The following DNAH11 variants were observed in gnomAD, a reference collection of about 807,000 sequenced individuals.
DNAH11 encodes the protein dynein axonemal heavy chain 11, also known as axonemal beta dynein heavy chain 11.
Under a neutral mutation model 526.0 loss-of-function variants are expected in DNAH11, and 442 were observed. That is an observed-to-expected ratio of 0.84 (90% confidence interval 0.78 to 0.91). The LOEUF is 0.91. DNAH11 is among the 40% of genes least tolerant of loss of function. The probability of loss-of-function intolerance (pLI) is 0.00; values close to 1 mark genes in which losing one functional copy is unlikely to be tolerated. For synonymous variants in DNAH11, 2,461 were observed against 1,935.9 expected (o/e 1.27, Z -7.12); for missense variants, 6,989 against 5,448.7 (o/e 1.28, Z -8.90).
At position 21,744,980 on chromosome 7, in the gene DNAH11, G is replaced by A. The variant is rs745714334; in HGVS notation, c.8427G>A (p.Thr2809=). ...MPVKDWEVLK[T]ILTETLDNYN... ...TGAAGGACTGGGAAGTGCTGAAGACGATTCTTACAGAAACGTTAGACAACT... is the reference window on the plus strand; with the variant it reads ...TGAAGGACTGGGAAGTGCTGAAGACAATTCTTACAGAAACGTTAGACAACT... The change falls in exon 51 of 82, where the codon ACG becomes ACA. Residue 2809 remains threonine (T), a synonymous_variant. Transcript: ENST00000409508. The A allele has an allele frequency of 1.9e-5, 30 of 1,610,000 alleles. No individual in the cohort carries two copies. The East Asian group carries it at 3.4e-4, about 18-fold the overall frequency.
chr7:21,780,287 G>C (rs930345663), intron 57 of DNAH11, among the ~76,000 whole-genome samples: 2 of 152,092 alleles, frequency 1.3e-5, no homozygotes, highest in Admixed American at 1.3e-4. Context: ...ACAGTGGCCT[G>C]TAATCCCTGC....
chr7:21,641,643 T>A (rs1330796349), intron 28 of DNAH11, among the ~76,000 whole-genome samples: 1 of 152,232 alleles, frequency 6.6e-6, no homozygotes, highest in Non-Finnish European at 1.5e-5. Flanking sequence ...TGACTCACAG[T>A]CTGTGCATCT....
At chr7:21,897,804 A>ATGGGGTT (rs1348998980) in intron 79 of DNAH11, among the ~76,000 whole-genome samples, 2 of 152,028 alleles carry the variant, frequency 1.3e-5, no homozygotes, top group Non-Finnish European at 2.9e-5. Context: ...TTTAGTAGGG[A>ATGGGGTT]TGGGGTTTCA....
At chr7:21,781,780 T>C (rs1436865698) in intron 57 of DNAH11, among the ~76,000 whole-genome samples, 1 of 152,108 alleles carries the variant, frequency 6.6e-6, no homozygotes, top group Non-Finnish European at 1.5e-5. Flanking sequence ...TTTTGGGAGA[T>C]TGGGAGGGTT....
At chr7:21,637,938 A>C (rs906256405) in intron 27 of DNAH11, among the ~76,000 whole-genome samples, 2 of 152,140 alleles carry the variant, frequency 1.3e-5, no homozygotes, top group Non-Finnish European at 2.9e-5. Flanking sequence ...ATACTAGTAA[A>C]ATTAGAGTAT....
At chr7:21,825,615 C>T (rs898734611) in intron 65 of DNAH11, among the ~76,000 whole-genome samples, 2 of 146,110 alleles carry the variant, frequency 1.4e-5, no homozygotes, top group African/African-American at 5.0e-5. Flanking sequence ...ATTCCTGCCT[C>T]CTTTTTTTTT....
intron 61 of DNAH11, 87 bp from the exon 62 acceptor site, chr7:21,801,050 A>C: frequency 2.1e-6 from 3 of 1,415,360 alleles, no homozygotes; most frequent in Non-Finnish European, 2.9e-6. Context: ...TTGTCCATTT[A>C]CCTTACAGTA....
intron 34 of DNAH11, among the ~76,000 whole-genome samples, chr7:21,688,688 A>G (rs1038396432): frequency 6.6e-6 from 1 of 152,212 alleles, no homozygotes; most frequent in African/African-American, 2.4e-5. Flanking sequence ...TCTCATCCCA[A>G]TAGGTTATAC....
chr7:21,619,884 A>G, intron 24 of DNAH11, 72 bp from the exon 25 acceptor site: 1 of 1,433,686 alleles, frequency 7.0e-7, no homozygotes, highest in East Asian at 2.5e-5. Flanking sequence ...AAAAAAATTA[A>G]TTCCAGATAA....
chr7:21,724,672 A>G (rs2965420), intron 44 of DNAH11, among the ~76,000 whole-genome samples: 90,184 of 149,570 alleles, frequency 0.6, 26,689 homozygotes, highest in East Asian at 0.8. Context: ...TCCTATGAAT[A>G]TAGGAAACAC....
intron 54 of DNAH11, among the ~76,000 whole-genome samples, chr7:21,758,246 A>C (rs1786723215): frequency 6.6e-6 from 1 of 152,258 alleles, no homozygotes; most frequent in South Asian, 2.1e-4. Flanking sequence ...ATTATTTGAC[A>C]TAAGTAGAAT....
chr7:21,864,253 T>A (rs182451078), intron 69 of DNAH11, among the ~76,000 whole-genome samples: 30 of 152,346 alleles, frequency 2.0e-4, no homozygotes, highest in Middle Eastern at 6.8e-3. Context: ...ATAAAACACT[T>A]AATACGAATG....
In DNAH11 at chr7:21,867,907, A is replaced by C; in HGVS notation, c.11739A>C (p.Arg3913Ser). 1 of 1,581,944 alleles carries C rather than the reference A, an allele frequency of 6.3e-7. No homozygotes were observed. Among genetic ancestry groups the C allele is most frequent in the Non-Finnish European group, 8.6e-7 (1 of 1,162,718 alleles). Residue 3913 changes from arginine to serine, a missense_variant, in exon 72 of 82, where the codon AGA becomes AGC. Physicochemically the swap from Arg to Ser is moderately radical, Grantham distance 110. Transcript: ENST00000409508. Reference protein sequence around the residue: ...KLGAKYVERTRLDLVKAFEES... With the variant: ...KLGAKYVERTSLDLVKAFEES... The stretch of plus-strand genomic sequence containing the variant: ...GTGCGAAGTATGTGGAGAGGACCAG[A>C]TTGGACTTAGTTAAAGCATTCGAAG...
chr7:21,785,739 A>G (rs1481105018), intron 58 of DNAH11, among the ~76,000 whole-genome samples: 6 of 152,224 alleles, frequency 3.9e-5, no homozygotes, highest in South Asian at 2.1e-4. Flanking sequence ...CCAGCTCTCA[A>G]TTCTTACTAG....
rs1335985800 is a variant in DNAH11 at position 21,773,815 on chromosome 7, C to T, written c.9152C>T (p.Thr3051Ile). ...CTTTTCATGGCACATGTTCACACCACTGTAAATGAAATGAGTACCAGATAT... is the reference window on the plus strand; with the variant it reads ...CTTTTCATGGCACATGTTCACACCATTGTAAATGAAATGAGTACCAGATAT... ...ISLFMAHVHT[T>I]VNEMSTRYYQ... is the part of the protein sequence containing the mutation. Residue 3051 changes from threonine to isoleucine, a missense_variant, in exon 56 of 82, where the codon ACT becomes ATT. Physicochemically the swap from Thr to Ile is moderately conservative, Grantham distance 89 (BLOSUM62 -1). Coordinates refer to ENST00000409508, the MANE Select transcript of DNAH11 (RefSeq NM_001277115.2). 3.1e-6 allele frequency: 5 copies of T among 1,608,060 alleles called. No individual in the cohort carries two copies. In the Admixed American group the frequency reaches 6.8e-5, roughly 22 times the overall value.
At chr7:21,689,478 C>A (rs1414586047) in intron 34 of DNAH11, among the ~76,000 whole-genome samples, 1 of 152,184 alleles carries the variant, frequency 6.6e-6, no homozygotes, top group Non-Finnish European at 1.5e-5. Flanking sequence ...TGGGACCATG[C>A]CTCAATTACA....
At position 21,658,868 on chromosome 7, in the gene DNAH11, T is replaced by C. The variant is rs1487007855; in HGVS notation, c.5165T>C (p.Ile1722Thr). 13 of 1,607,788 alleles carry C rather than the reference T, an allele frequency of 8.1e-6. No individual in the cohort carries two copies. Among genetic ancestry groups the C allele is most frequent in the East Asian group, 6.7e-5 (3 of 44,610 alleles). The change falls in exon 30 of 82, where the codon ATA (isoleucine) becomes ACA (threonine). Residue 1722 changes from isoleucine to threonine, a missense_variant. Coordinates refer to ENST00000409508, the MANE Select transcript of DNAH11 (RefSeq NM_001277115.2). The stretch of plus-strand genomic sequence containing the variant: ...GTGCGTCATTCTATAACAGAAGCCA[T>C]AGTGGCCTACGAGGAAAAACCTAGG... ...ETVRHSITEAIVAYEEKPREL... is the reference protein window; with the variant it reads ...ETVRHSITEATVAYEEKPREL...
At chr7:21,641,317 G>A (rs10274412) in intron 28 of DNAH11, among the ~76,000 whole-genome samples, 18,750 of 152,138 alleles carry the variant, frequency 0.12, 1,389 homozygotes, top group African/African-American at 0.21. Context: ...CCTCCCCGTC[G>A]TGGCTGATAA....
At chr7:21,812,824 C>T (rs903120495) in intron 63 of DNAH11, among the ~76,000 whole-genome samples, 2 of 152,128 alleles carry the variant, frequency 1.3e-5, no homozygotes, top group Admixed American at 6.5e-5. Context: ...CCTGTTGATG[C>T]TGAATCACTT....
Sources: gnomAD v4.1 joint callset for allele counts (sites outside exome capture counted in the v4.1 genomes callset) on GRCh38, gnomAD v4.1.1 for gene constraint, MANE v1.5 for transcripts, NCBI Gene and HGNC (gene_info 2026-07-23, HGNC 2026-07-21) for gene names.